The following WDR70 variants were observed in gnomAD, a reference collection of about 807,000 sequenced individuals.
WDR70 encodes the protein WD repeat domain 70, also known as WD repeat-containing protein 70.
A neutral mutation model predicts 88.6 loss-of-function variants in WDR70; 53 were observed. That is an observed-to-expected ratio of 0.60 (90% CI 0.48 to 0.75). The LOEUF (loss-of-function observed/expected upper bound fraction) is 0.75, where lower values mean the gene tolerates loss of function less well. Ranked by LOEUF, WDR70 falls within the 30% of genes least tolerant of loss-of-function variation. The pLI is 0.00. For missense variants in WDR70, 610 were observed against 823.2 expected, an observed-to-expected ratio of 0.74 and a Z score of 3.17; for synonymous variants, 280 against 270.0, an observed-to-expected ratio of 1.04 and a Z score of -0.36.
chr5:37,528,237 C>T (rs1741362524), intron 9 of WDR70, among the ~76,000 whole-genome samples: 1 of 152,140 alleles, frequency 6.6e-6, no homozygotes, highest in Non-Finnish European at 1.5e-5. Flanking sequence ...CCCAAATGTC[C>T]ATCAATGATA....
At chr5:37,546,425 A>C (rs886247361) in intron 9 of WDR70, among the ~76,000 whole-genome samples, 1 of 152,212 alleles carries the variant, frequency 6.6e-6, no homozygotes, top group Non-Finnish European at 1.5e-5. Flanking sequence ...TATATTATAC[A>C]CTTTTCACCA....
chr5:37,647,100 TC>T (rs1745262008), intron 10 of WDR70, among the ~76,000 whole-genome samples: 1 of 152,194 alleles, frequency 6.6e-6, no homozygotes, highest in Non-Finnish European at 1.5e-5. Flanking sequence ...AAATAGCCTG[TC>T]TTCAAGCTCA....
chr5:37,715,379 C>A (rs1747626085), intron 13 of WDR70, among the ~76,000 whole-genome samples: 1 of 150,458 alleles, frequency 6.6e-6, no homozygotes, highest in Non-Finnish European at 1.5e-5. Flanking sequence ...CAAGTCTGGC[C>A]CATGGTAGAA....
intron 9 of WDR70, among the ~76,000 whole-genome samples, chr5:37,596,084 G>A (rs192976058): frequency 5.3e-5 from 8 of 152,230 alleles, no homozygotes; most frequent in East Asian, 1.9e-4. Context: ...GAACTTAATC[G>A]CTTAACATTA....
chr5:37,697,605 T>G (rs1038204141), intron 10 of WDR70, 50 bp from the exon 11 acceptor site: 10 of 1,467,116 alleles, frequency 6.8e-6, no homozygotes, highest in Non-Finnish European at 9.5e-6. Context: ...AAAACTGTTC[T>G]CTTCTGAATT....
intron 9 of WDR70, among the ~76,000 whole-genome samples, chr5:37,562,631 T>C (rs1742548636): frequency 6.6e-6 from 1 of 152,120 alleles, no homozygotes; most frequent in Non-Finnish European, 1.5e-5. Flanking sequence ...TACTTGAGAT[T>C]AGGGAGTGGT....
At chr5:37,673,915 C>A (rs1746111664) in intron 10 of WDR70, among the ~76,000 whole-genome samples, 1 of 152,044 alleles carries the variant, frequency 6.6e-6, no homozygotes, top group South Asian at 2.1e-4. Context: ...ATGGCCTCCA[C>A]CTCCATCCAT....
At chr5:37,697,363 A>G (rs1747011803) in intron 10 of WDR70, among the ~76,000 whole-genome samples, 1 of 152,220 alleles carries the variant, frequency 6.6e-6, no homozygotes, top group Non-Finnish European at 1.5e-5. Context: ...TGAAGAAGTA[A>G]ATAAGAAGAA....
At chr5:37,724,890 A>G (rs1418471779) in intron 15 of WDR70, 44 bp from the exon 16 acceptor site, 1 of 1,538,884 alleles carries the variant, frequency 6.5e-7, no homozygotes, top group Admixed American at 1.7e-5. Context: ...TTGGATGGGA[A>G]GGTTATTGTT....
intron 10 of WDR70, among the ~76,000 whole-genome samples, chr5:37,673,672 A>T (rs1207072008): frequency 7.5e-6 from 1 of 134,102 alleles, no homozygotes; most frequent in Non-Finnish European, 1.5e-5. Context: ...TACATAGGTA[A>T]ATATGTGCCA....
intron 13 of WDR70, among the ~76,000 whole-genome samples, chr5:37,712,287 G>A (rs1393031365): frequency 2.6e-5 from 4 of 151,998 alleles, no homozygotes; most frequent in African/African-American, 4.8e-5. Flanking sequence ...CACCGCACCC[G>A]GCCACATTTT....
intron 10 of WDR70, among the ~76,000 whole-genome samples, chr5:37,633,942 A>G (rs968257315): frequency 1.3e-5 from 2 of 152,140 alleles, no homozygotes; most frequent in African/African-American, 4.8e-5. Context: ...CCATTTATAA[A>G]GATAGACTTG....
intron 9 of WDR70, among the ~76,000 whole-genome samples, chr5:37,517,222 C>T (rs1740915430): frequency 6.6e-6 from 1 of 152,124 alleles, no homozygotes; most frequent in South Asian, 2.1e-4. Context: ...TTATTTCCAT[C>T]TGAGTCTAAT....
chr5:37,738,228 G>A (rs1039544155), intron 17 of WDR70, among the ~76,000 whole-genome samples: 2 of 152,108 alleles, frequency 1.3e-5, no homozygotes, highest in African/African-American at 2.4e-5. Context: ...GAAAGTCATG[G>A]CTATAATTGA....
At chr5:37,482,441 G>A (rs1739702232) in intron 8 of WDR70, among the ~76,000 whole-genome samples, 1 of 152,192 alleles carries the variant, frequency 6.6e-6, no homozygotes, top group South Asian at 2.1e-4. Flanking sequence ...AGGCAGGAGA[G>A]AGCATGTGCA....
At chr5:37,394,237 G>T (rs1018807492) in intron 4 of WDR70, among the ~76,000 whole-genome samples, 1 of 150,838 alleles carries the variant, frequency 6.6e-6, no homozygotes, top group African/African-American at 2.5e-5. Context: ...CCCAGGACGG[G>T]GAGTGAGCGA....
intron 9 of WDR70, among the ~76,000 whole-genome samples, chr5:37,562,546 G>C (rs940354082): frequency 6.6e-6 from 1 of 151,948 alleles, no homozygotes; most frequent in African/African-American, 2.4e-5. Context: ...GCAGATAAGT[G>C]AACAAAGGTC....
chr5:37,399,828 G>C (rs1346693399), intron 5 of WDR70, among the ~76,000 whole-genome samples: 2 of 152,038 alleles, frequency 1.3e-5, no homozygotes, highest in African/African-American at 4.8e-5. Flanking sequence ...AGTGTGTAGA[G>C]ACCCGAGTAG....
chr5:37,602,783 C>T (rs941572252), intron 9 of WDR70, among the ~76,000 whole-genome samples: 2 of 151,364 alleles, frequency 1.3e-5, no homozygotes, highest in South Asian at 4.2e-4. Context: ...TTGAGACCAG[C>T]CTGACCAACA....
Sources: allele counts gnomAD v4.1 joint callset (sites outside exome capture counted in the v4.1 genomes callset), GRCh38; gene constraint gnomAD v4.1.1; transcripts MANE v1.5; gene names NCBI Gene and HGNC (gene_info 2026-07-23, HGNC 2026-07-21).